Variants in MAPK8IP3 observed in about 807,000 individuals in gnomAD.
MAPK8IP3 encodes the protein mitogen-activated protein kinase 8 interacting protein 3, also known as C-Jun-amino-terminal kinase-interacting protein 3.
A neutral mutation model predicts 157.8 loss-of-function variants in MAPK8IP3; 49 were observed. The observed-to-expected ratio is 0.31, with a 90% CI of 0.25 to 0.39. The LOEUF is 0.39. MAPK8IP3 is among the 10% of genes least tolerant of loss of function. The probability of loss-of-function intolerance (pLI) is 1.00; values close to 1 mark genes in which losing one functional copy is unlikely to be tolerated. For synonymous variants in MAPK8IP3, 897 were observed against 777.7 expected (o/e 1.15, Z -2.55); for missense variants, 1,478 against 1,889.4 (o/e 0.78, Z 4.04).
chr16:1,758,219 G>A, intron 9 of MAPK8IP3, 60 bp downstream of exon 9: 4 of 1,599,342 alleles, frequency 2.5e-6, no homozygotes, highest in Non-Finnish European at 3.4e-6. Context: ...TGGGTGGACG[G>A]GGGATGCCCC....
chr16:1,760,319 G>C, intron 11 of MAPK8IP3, 61 bp from the exon 12 acceptor site: 1 of 1,555,572 alleles, frequency 6.4e-7, no homozygotes, highest in Non-Finnish European at 8.7e-7. Flanking sequence ...CCCCTGGCAA[G>C]GCCCCTTCAC....
chr16:1,734,249 G>GTC (rs2039509722), intron 4 of MAPK8IP3, among the ~76,000 whole-genome samples: 1 of 152,260 alleles, frequency 6.6e-6, no homozygotes, highest in Non-Finnish European at 1.5e-5. Flanking sequence ...TGAGCATGCC[G>GTC]AGGCCCTGAC....
chr16:1,746,333 G>A (rs1170692660), intron 5 of MAPK8IP3: 1 of 152,204 alleles, frequency 6.6e-6, no homozygotes, highest in Admixed American at 6.5e-5. Flanking sequence ...CCTCCCTAGC[G>A]AGCTTCCTGA....
intron 17 of MAPK8IP3, 51 bp from the exon 18 acceptor site, chr16:1,764,064 G>A: frequency 2.7e-6 from 4 of 1,507,090 alleles, no homozygotes; most frequent in African/African-American, 1.4e-5. Flanking sequence ...TTTCTGGAGG[G>A]ATGGGTAGGA....
chr16:1,756,693 G>C, intron 8 of MAPK8IP3, among the ~76,000 whole-genome samples: 1 of 150,820 alleles, frequency 6.6e-6, no homozygotes, highest in East Asian at 1.9e-4. Context: ...GTGGTGGCAT[G>C]TACCTGTAGA....
chr16:1,736,724 G>A (rs1353185621), intron 4 of MAPK8IP3, among the ~76,000 whole-genome samples: 6 of 69,646 alleles, frequency 8.6e-5, no homozygotes, highest in East Asian at 4.2e-4. Context: ...GCGTGTGACC[G>A]TCCGTGTGAG....
In MAPK8IP3 at chr16:1,767,165, G is replaced by A. The variant is rs559241066; in HGVS notation, c.3105G>A (p.Leu1035=). 7 of 1,613,176 alleles carry A rather than the reference G, an allele frequency of 4.3e-6. No homozygotes were observed. The Admixed American group carries it at 1.0e-4, about 23-fold the overall frequency. Residue 1035 remains leucine, a synonymous_variant, in exon 26 of 32, where the codon CTG becomes CTA. Transcript: ENST00000610761. ...TCCCTCCAGATGGCCAGTGGGATCT[G>A]AGCAACTATCACCTAATGGACCTGG... is the stretch of plus-strand genomic sequence containing the variant. ...FHRGEDGQWD[L]SNYHLMDLGH... is the part of the protein sequence containing the mutation.
intron 5 of MAPK8IP3, chr16:1,746,811 G>A (rs1035428752): frequency 2.6e-5 from 15 of 585,886 alleles, no homozygotes; most frequent in Non-Finnish European, 4.5e-5. Flanking sequence ...CCCTGCTTCC[G>A]AGGAGCCGGA....
At chr16:1,765,323 C>T in intron 20 of MAPK8IP3, 145 bp downstream of exon 20, 2 of 1,045,272 alleles carry the variant, frequency 1.9e-6, no homozygotes, top group Non-Finnish European at 2.7e-6. Flanking sequence ...AGGGGCAGCA[C>T]CCAGTCAAGT....
intron 4 of MAPK8IP3, among the ~76,000 whole-genome samples, chr16:1,733,443 C>T (rs1004843109): frequency 7.2e-5 from 11 of 152,208 alleles, no homozygotes; most frequent in Non-Finnish European, 1.3e-4. Flanking sequence ...GCTCCAGAGC[C>T]GCCTGATGCT....
At chr16:1,756,954 C>G (rs1182346298) in intron 8 of MAPK8IP3, among the ~76,000 whole-genome samples, 4 of 152,100 alleles carry the variant, frequency 2.6e-5, no homozygotes, top group African/African-American at 9.7e-5. Flanking sequence ...TGTTGCTTAT[C>G]TAGAAGGAAA....
At chr16:1,733,394 A>G (rs530425169) in intron 4 of MAPK8IP3, among the ~76,000 whole-genome samples, 6 of 152,280 alleles carry the variant, frequency 3.9e-5, no homozygotes, top group Admixed American at 3.3e-4. Flanking sequence ...TGAGAGCCCC[A>G]GGGCCATGTG....
rs534419557 is a variant in MAPK8IP3, at chr16:1,764,169, G to C, written c.2080G>C (p.Val694Leu). The change falls in exon 18 of 32, where the codon GTG (valine) becomes CTG (leucine). Residue 694 changes from valine to leucine, a missense_variant. Val to Leu is a conservative substitution (Grantham distance 32). Around this residue, in one of 11 missense-constraint regions of MAPK8IP3, gnomAD observed 669 missense variants for 759.8 expected, o/e 0.88. Coordinates refer to ENST00000610761, the MANE Select transcript of MAPK8IP3 (RefSeq NM_001318852.2). ...GCGGATGAAGAACGTGCCGGTGCCGGTGTACTGCCGCCCTCTGGTGGAGAA... is the reference window on the plus strand; with the variant it reads ...GCGGATGAAGAACGTGCCGGTGCCGCTGTACTGCCGCCCTCTGGTGGAGAA... ...DTRMKNVPVP[V>L]YCRPLVEKDP... 4 of 1,611,818 alleles carry C rather than the reference G, an allele frequency of 2.5e-6. No homozygotes were observed. Among genetic ancestry groups the C allele is most frequent in the Middle Eastern group, 1.7e-4 (1 of 5,992 alleles).
intron 8 of MAPK8IP3, among the ~76,000 whole-genome samples, chr16:1,756,444 G>A (rs892817260): frequency 2.0e-5 from 3 of 151,984 alleles, no homozygotes; most frequent in African/African-American, 4.8e-5. Context: ...GGTGGATCGC[G>A]CCACTTCACT....
chr16:1,708,868 ACTC>A (rs551529210), intron 1 of MAPK8IP3, among the ~76,000 whole-genome samples: 4 of 152,142 alleles, frequency 2.6e-5, no homozygotes, highest in Non-Finnish European at 4.4e-5. Context: ...TGGCATGCCT[ACTC>A]CTCTACTGAA....
At chr16:1,713,003 G>A (rs866038058) in intron 1 of MAPK8IP3, among the ~76,000 whole-genome samples, 3 of 152,222 alleles carry the variant, frequency 2.0e-5, no homozygotes, top group South Asian at 2.1e-4. Flanking sequence ...CGGCACACCC[G>A]GAGATGCTGG....
At chr16:1,745,200 G>A (rs1470612983) in intron 5 of MAPK8IP3, 48 of 984,588 alleles carry the variant, frequency 4.9e-5, no homozygotes, top group South Asian at 3.3e-4. Flanking sequence ...AGAATTCCCC[G>A]CAGCCACCAT....
intron 17 of MAPK8IP3, 153 bp downstream of exon 17, chr16:1,763,936 C>T: frequency 9.4e-7 from 1 of 1,064,718 alleles, no homozygotes; most frequent in Non-Finnish European, 1.3e-6. Flanking sequence ...TCCTAGTGAG[C>T]CTCCTGGGCA....
At position 1,748,303 on chromosome 16, in the gene MAPK8IP3, C is replaced by T. The variant is rs2041090401; in HGVS notation, c.1054C>T (p.Leu352=). ...VQDIIDSTPE[L]DMCPETRLDR... is the part of the protein sequence containing the mutation. ...AGACATTATTGACTCCACGCCAGAGCTGGACATGTGTCCAGAGACCCGCCT... is the reference window on the plus strand; with the variant it reads ...AGACATTATTGACTCCACGCCAGAGTTGGACATGTGTCCAGAGACCCGCCT... Residue 352 remains leucine (L), a synonymous_variant, in exon 7 of 32, where the codon CTG becomes TTG. Transcript: ENST00000610761. 1.1e-5 allele frequency: 17 copies of T among 1,613,880 alleles called. No homozygotes were observed. Among genetic ancestry groups the T allele is most frequent in the Non-Finnish European group, 1.4e-5 (17 of 1,180,028 alleles).
Sources: gnomAD v4.1 joint callset for allele counts (sites outside exome capture counted in the v4.1 genomes callset) on GRCh38, gnomAD v4.1.1 for gene constraint, gnomAD v4.1.1 regional missense constraint, MANE v1.5 for transcripts, NCBI Gene and HGNC (gene_info 2026-07-23, HGNC 2026-07-21) for gene names.